EPB41L5: variants seen among roughly 807,000 people sequenced by gnomAD.
EPB41L5 encodes the protein band 4.1-like protein 5.
A neutral mutation model predicts 106.6 loss-of-function variants in EPB41L5; 55 were observed. The ratio of observed to expected loss-of-function variants is 0.52; its 90% CI spans 0.42 to 0.65. The LOEUF (loss-of-function observed/expected upper bound fraction) is 0.65, where lower values mean the gene tolerates loss of function less well. Among genes scored for constraint, EPB41L5 ranks in the 30% least tolerant of loss-of-function variants. The pLI, the probability that EPB41L5 is intolerant of heterozygous loss-of-function variation, is 0.00. For synonymous variants in EPB41L5, 297 were observed against 306.7 expected, an observed-to-expected ratio of 0.97 and a Z score of 0.33; for missense variants, 871 against 882.1, an observed-to-expected ratio of 0.99 and a Z score of 0.16.
chr2:120,114,038 ACT>A (rs1558885583), intron 16 of EPB41L5, among the ~76,000 whole-genome samples: 3 of 152,224 alleles, frequency 2.0e-5, no homozygotes, highest in Non-Finnish European at 2.9e-5. Context: ...TCATATAGTA[ACT>A]CTATTTTTAA....
intron 3 of EPB41L5, among the ~76,000 whole-genome samples, chr2:120,049,825 T>C (rs1272965958): frequency 2.6e-5 from 4 of 152,206 alleles, no homozygotes; most frequent in African/African-American, 9.6e-5. Context: ...CCGTGTTTAG[T>C]GCTTCCTTCA....
At chr2:120,069,810 C>T (rs1681732419) in intron 3 of EPB41L5, among the ~76,000 whole-genome samples, 1 of 152,008 alleles carries the variant, frequency 6.6e-6, no homozygotes, top group Admixed American at 6.6e-5. Flanking sequence ...TGGGACACAG[C>T]TAAGCAGTGT....
intron 2 of EPB41L5, among the ~76,000 whole-genome samples, chr2:120,029,716 T>G: frequency 6.6e-6 from 1 of 152,208 alleles, no homozygotes; most frequent in Non-Finnish European, 1.5e-5. Flanking sequence ...GTTGTACTCC[T>G]TAACCTAAAA....
At chr2:120,078,405 C>A (rs1682403620) in intron 9 of EPB41L5, 88 bp from the exon 10 acceptor site, 2 of 710,206 alleles carry the variant, frequency 2.8e-6, no homozygotes, top group Non-Finnish European at 4.6e-6. Context: ...TAATACAATT[C>A]AATACAAAAA....
intron 1 of EPB41L5, chr2:120,013,743 C>G (rs1376327691): frequency 6.6e-6 from 1 of 152,206 alleles, no homozygotes; most frequent in Non-Finnish European, 1.5e-5. Context: ...GGACGGTTGT[C>G]GTGCTAATGA....
chr2:120,072,732 G>C (rs1040707017), intron 3 of EPB41L5, among the ~76,000 whole-genome samples: 1 of 152,068 alleles, frequency 6.6e-6, no homozygotes, highest in Admixed American at 6.5e-5. Flanking sequence ...TTGAACAATG[G>C]TAACACATGG....
chr2:120,076,616 T>C (rs962524668), intron 7 of EPB41L5, among the ~76,000 whole-genome samples: 3 of 151,776 alleles, frequency 2.0e-5, no homozygotes, highest in South Asian at 4.2e-4. Flanking sequence ...ATATTCTTAA[T>C]AGATGCCAGT....
intron 16 of EPB41L5, among the ~76,000 whole-genome samples, chr2:120,120,995 C>T (rs969306047): frequency 6.6e-5 from 10 of 152,110 alleles, no homozygotes. Flanking sequence ...CCGGCACCTG[C>T]AATCCCAGCC....
intron 3 of EPB41L5, among the ~76,000 whole-genome samples, chr2:120,058,108 G>A (rs982743395): frequency 8.5e-5 from 13 of 152,066 alleles, no homozygotes; most frequent in Admixed American, 8.5e-4. Context: ...ACTCCAAGAA[G>A]AAATATGGTT....
At chr2:120,071,854 C>T (rs1574592052) in intron 3 of EPB41L5, among the ~76,000 whole-genome samples, 2 of 152,252 alleles carry the variant, frequency 1.3e-5, no homozygotes, top group African/African-American at 4.8e-5. Flanking sequence ...CAGTACCATG[C>T]AGGACATAGG....
intron 2 of EPB41L5, among the ~76,000 whole-genome samples, chr2:120,025,099 A>G (rs1678216314): frequency 6.6e-6 from 1 of 152,200 alleles, no homozygotes; most frequent in Non-Finnish European, 1.5e-5. Flanking sequence ...CTCTGGTAGA[A>G]TTCGGCTGTG....
chr2:120,149,214 T>C (rs1686557192), intron 20 of EPB41L5, among the ~76,000 whole-genome samples: 3 of 152,200 alleles, frequency 2.0e-5, no homozygotes, highest in Admixed American at 1.3e-4. Flanking sequence ...TTGATTCAAA[T>C]ACCACACAAT....
intron 18 of EPB41L5, among the ~76,000 whole-genome samples, chr2:120,141,773 A>G (rs1342046859): frequency 6.6e-6 from 1 of 152,106 alleles, no homozygotes; most frequent in Non-Finnish European, 1.5e-5. Context: ...CCATCTTTAG[A>G]TATATGAAGA....
intron 3 of EPB41L5, among the ~76,000 whole-genome samples, chr2:120,072,929 T>TTA (rs1553501122): frequency 6.8e-6 from 1 of 147,490 alleles, no homozygotes; most frequent in East Asian, 2.0e-4. Flanking sequence ...TTAAAGTATT[T>TTA]AAAAAAAAAA....
intron 17 of EPB41L5, among the ~76,000 whole-genome samples, chr2:120,131,337 CCTT>C (rs1199379325): frequency 6.6e-6 from 1 of 152,138 alleles, no homozygotes; most frequent in East Asian, 1.9e-4. Context: ...GCTAGGTAAA[CCTT>C]CTTAACCACA....
chr2:120,062,079 A>G (rs1292404179), intron 3 of EPB41L5, among the ~76,000 whole-genome samples: 2 of 152,170 alleles, frequency 1.3e-5, no homozygotes, highest in African/African-American at 2.4e-5. Flanking sequence ...TACTATTACC[A>G]TTGCTACTTA....
chr2:120,129,643 C>G (rs969005090), intron 17 of EPB41L5, among the ~76,000 whole-genome samples: 1 of 151,964 alleles, frequency 6.6e-6, no homozygotes, highest in African/African-American at 2.4e-5. Flanking sequence ...AATATATTAG[C>G]TTAGGATTTA....
chr2:120,167,721 G>A (rs1687478366), intron 23 of EPB41L5, among the ~76,000 whole-genome samples, 156 bp from the exon 24 acceptor site: 1 of 152,212 alleles, frequency 6.6e-6, no homozygotes, highest in South Asian at 2.1e-4. Flanking sequence ...AAAAGTCTCA[G>A]ATGAAGAATA....
At chr2:120,060,695 G>C (rs577864650) in intron 3 of EPB41L5, among the ~76,000 whole-genome samples, 330 of 152,212 alleles carry the variant, frequency 2.2e-3, no homozygotes, top group Non-Finnish European at 4.0e-3. Flanking sequence ...TCTTGATTGT[G>C]GTATTAGGAT....
Sources: gnomAD v4.1 joint callset for allele counts (sites outside exome capture counted in the v4.1 genomes callset) on GRCh38, gnomAD v4.1.1 for gene constraint, MANE v1.5 for transcripts, NCBI Gene and HGNC (gene_info 2026-07-23, HGNC 2026-07-21) for gene names.